The following CLVS1 variants were observed in gnomAD, a reference collection of about 807,000 sequenced individuals.
CLVS1 encodes the protein clavesin-1.
CLVS1 carries 10 observed loss-of-function variants against 33.1 expected under a neutral mutation model. That is an observed-to-expected ratio of 0.30 (90% CI 0.19 to 0.51). The LOEUF (loss-of-function observed/expected upper bound fraction) is 0.51. Among genes scored for constraint, CLVS1 ranks in the 20% least tolerant of loss-of-function variants. The probability of loss-of-function intolerance (pLI) is 0.97; values close to 1 mark genes in which losing one functional copy is unlikely to be tolerated. For synonymous variants in CLVS1, 163 were observed against 166.1 expected, an observed-to-expected ratio of 0.98 and a Z score of 0.14; for missense variants, 343 against 433.4, an observed-to-expected ratio of 0.79 and a Z score of 1.85.
intron 2 of CLVS1, among the ~76,000 whole-genome samples, chr8:61,281,573 T>C (rs1809671793): frequency 6.6e-6 from 1 of 152,138 alleles, no homozygotes; most frequent in Non-Finnish European, 1.5e-5. Flanking sequence ...CCTCCAGAAT[T>C]GTTAGAAAAT....
At chr8:61,276,117 C>G (rs1809557727) in intron 2 of CLVS1, among the ~76,000 whole-genome samples, 1 of 152,182 alleles carries the variant, frequency 6.6e-6, no homozygotes, top group Non-Finnish European at 1.5e-5. Context: ...TTGGGATTTT[C>G]TAAGATACTT....
intron 2 of CLVS1, among the ~76,000 whole-genome samples, chr8:61,303,934 A>G (rs1460284864): frequency 2.0e-5 from 3 of 152,222 alleles, no homozygotes; most frequent in South Asian, 2.1e-4. Flanking sequence ...GGTAAAATGA[A>G]TTGCAACCAG....
chr8:61,394,600 A>G (rs1443380780), intron 3 of CLVS1, among the ~76,000 whole-genome samples: 1 of 152,158 alleles, frequency 6.6e-6, no homozygotes. Flanking sequence ...ACAGGTCATC[A>G]GGGAAGTTGG....
At chr8:61,348,057 A>G (rs2129598751) in intron 2 of CLVS1, among the ~76,000 whole-genome samples, 1 of 151,928 alleles carries the variant, frequency 6.6e-6, no homozygotes, top group South Asian at 2.1e-4. Flanking sequence ...TAGACTCCTG[A>G]CTTTATTATT....
the CLVS1 span, among the ~76,000 whole-genome samples, chr8:61,042,744 G>A: frequency 2.0e-5 from 3 of 152,158 alleles, no homozygotes; most frequent in African/African-American, 4.8e-5. Flanking sequence ...TATAAATATG[G>A]CATTGGAAGG....
At chr8:61,009,236 C>T in the CLVS1 span, among the ~76,000 whole-genome samples, 29 of 151,948 alleles carry the variant, frequency 1.9e-4, no homozygotes, top group Non-Finnish European at 2.6e-4. Flanking sequence ...AGTGCCTCGC[C>T]CTCCCAGGCT....
At chr8:61,139,359 A>C (rs986290804) in intron 2 of CLVS1, among the ~76,000 whole-genome samples, 2 of 152,222 alleles carry the variant, frequency 1.3e-5, no homozygotes, top group African/African-American at 4.8e-5. Context: ...GAAAATGAGC[A>C]GGTGATAGGA....
chr8:61,111,287 C>T (rs1354786902), intron 1 of CLVS1, among the ~76,000 whole-genome samples: 2 of 152,004 alleles, frequency 1.3e-5, no homozygotes, highest in African/African-American at 4.8e-5. Context: ...ATTATGAGTC[C>T]CCTTTTAAAT....
At chr8:61,469,859 T>C (rs1003720503) in intron 5 of CLVS1, among the ~76,000 whole-genome samples, 1 of 152,222 alleles carries the variant, frequency 6.6e-6, no homozygotes, top group Non-Finnish European at 1.5e-5. Flanking sequence ...CAGTCTCCAC[T>C]GTCCTCTAAA....
chr8:61,120,081 C>CT (rs1363210167), intron 1 of CLVS1, among the ~76,000 whole-genome samples: 2 of 148,380 alleles, frequency 1.3e-5, no homozygotes, highest in Non-Finnish European at 3.0e-5. Context: ...TCTTTTTATT[C>CT]TTTTTTCTCT....
intron 2 of CLVS1, among the ~76,000 whole-genome samples, chr8:61,141,998 C>CTT (rs1325012811): frequency 3.3e-5 from 5 of 152,184 alleles, no homozygotes; most frequent in African/African-American, 1.2e-4. Flanking sequence ...TCAGAAGTTT[C>CTT]TTATACAGCA....
intron 2 of CLVS1, among the ~76,000 whole-genome samples, chr8:61,312,189 C>T (rs1194957621): frequency 6.6e-6 from 1 of 152,176 alleles, no homozygotes; most frequent in East Asian, 1.9e-4. Context: ...AACTCCAACC[C>T]CCAATTCCTG....
intron 5 of CLVS1, among the ~76,000 whole-genome samples, chr8:61,477,022 A>G (rs191410121): frequency 0.087 from 13,225 of 152,162 alleles, 655 homozygotes; most frequent in Non-Finnish European, 0.12. Context: ...GTTGAATTTT[A>G]TCAAAGGCCT....
chr8:61,405,099 G>A lies in CLVS1; in HGVS notation c.630+28320G>A, dbSNP rs959251705. On this transcript the variant is annotated intron_variant, in intron 3 of 5. Coordinates refer to ENST00000325897, the MANE Select transcript of CLVS1 (RefSeq NM_173519.3). ...AATGTTATGCAGAACTCTCTGGGGG[G>A]TAGTGAATATATGCACCAATTCATT... Among the ~76,000 whole-genome samples, 5 of 152,196 alleles carry A rather than the reference G, an allele frequency of 3.3e-5. No homozygotes were observed. The East Asian group carries it at 7.7e-4, about 23-fold the overall frequency.
At chr8:61,141,887 A>G (rs2129293204) in intron 2 of CLVS1, among the ~76,000 whole-genome samples, 1 of 152,244 alleles carries the variant, frequency 6.6e-6, no homozygotes, top group African/African-American at 2.4e-5. Context: ...TTTTATTTTG[A>G]GCAGGGCTCT....
At chr8:61,346,646 G>T (rs1383432131) in intron 2 of CLVS1, among the ~76,000 whole-genome samples, 1 of 152,050 alleles carries the variant, frequency 6.6e-6, no homozygotes, top group Non-Finnish European at 1.5e-5. Context: ...AACTAGTTTT[G>T]ACTTTTTTCC....
chr8:61,009,695 C>G, the CLVS1 span, among the ~76,000 whole-genome samples: 1 of 152,100 alleles, frequency 6.6e-6, no homozygotes. Flanking sequence ...TTTTGTCATG[C>G]AAATTTTAGG....
intron 3 of CLVS1, among the ~76,000 whole-genome samples, chr8:61,411,857 G>A (rs1815240268): frequency 2.6e-5 from 4 of 152,202 alleles, no homozygotes; most frequent in Admixed American, 2.0e-4. Flanking sequence ...TGGATCAGAA[G>A]ATGCAAATCC....
intron 3 of CLVS1, among the ~76,000 whole-genome samples, chr8:61,435,569 A>C (rs1023790278): frequency 6.6e-6 from 1 of 151,566 alleles, no homozygotes; most frequent in African/African-American, 2.4e-5. Context: ...TGGTCCTAAG[A>C]TTTAGGTGGC....
Sources: gnomAD v4.1 joint callset for allele counts (sites outside exome capture counted in the v4.1 genomes callset) on GRCh38, gnomAD v4.1.1 for gene constraint, MANE v1.5 for transcripts, NCBI Gene and HGNC (gene_info 2026-07-23, HGNC 2026-07-21) for gene names.